Variants in PLD1 observed in about 807,000 individuals in gnomAD.
PLD1 encodes the protein phospholipase D1, also known as choline phosphatase 1.
A neutral mutation model predicts 137.1 loss-of-function variants in PLD1; 112 were observed. The ratio of observed to expected loss-of-function variants is 0.82; its 90% CI spans 0.70 to 0.96. PLD1 has a LOEUF of 0.96. Among genes scored for constraint, PLD1 ranks in the 40% least tolerant of loss-of-function variants. The probability of loss-of-function intolerance (pLI) is 0.00; values close to 1 mark genes in which losing one functional copy is unlikely to be tolerated. For missense variants in PLD1, 1,321 were observed against 1,342.0 expected, an observed-to-expected ratio of 0.98 and a Z score of 0.24; for synonymous variants, 431 against 454.7, an observed-to-expected ratio of 0.95 and a Z score of 0.66.
intron 1 of PLD1, among the ~76,000 whole-genome samples, chr3:171,775,986 G>A (rs960288115): frequency 1.2e-4 from 19 of 152,176 alleles, no homozygotes; most frequent in Admixed American, 3.9e-4. Flanking sequence ...GGATGCAAAC[G>A]CAGGACTTCT....
At chr3:171,710,869 G>GTTTTTTTTTTTTTTTTTTTTTTTTTTTTT (rs1281179100) in intron 9 of PLD1, among the ~76,000 whole-genome samples, 2 of 98,684 alleles carry the variant, frequency 2.0e-5, no homozygotes, top group Non-Finnish European at 3.9e-5. Flanking sequence ...TAGGAAAACT[G>GTTTTTTTTTTTTTTTTTTTTTTTTTTTTT]TTCTTTTTTT....
chr3:171,700,889 G>A (rs1355889963), intron 11 of PLD1, among the ~76,000 whole-genome samples: 1 of 152,178 alleles, frequency 6.6e-6, no homozygotes, highest in Non-Finnish European at 1.5e-5. Flanking sequence ...AGTTAAACAT[G>A]TACATGATGT....
intron 7 of PLD1, 77 bp from the exon 8 acceptor site, chr3:171,724,865 G>T: frequency 2.4e-6 from 2 of 841,486 alleles, no homozygotes; most frequent in South Asian, 1.3e-5. Flanking sequence ...CCCAACATGG[G>T]ACTAAATAAA....
intron 23 of PLD1, among the ~76,000 whole-genome samples, chr3:171,625,412 A>G (rs909470802): frequency 1.1e-4 from 16 of 152,234 alleles, no homozygotes; most frequent in Non-Finnish European, 2.4e-4. Context: ...TGTAGGCCCC[A>G]CCTCTGGGGG....
chr3:171,711,167 C>CTTTTT (rs562934959), intron 9 of PLD1, among the ~76,000 whole-genome samples: 2 of 94,806 alleles, frequency 2.1e-5, no homozygotes, highest in African/African-American at 4.3e-5. Flanking sequence ...CTGTGCCAGC[C>CTTTTT]TTTTTTTTTT....
intron 7 of PLD1, among the ~76,000 whole-genome samples, chr3:171,725,435 A>G (rs887185993): frequency 3.9e-5 from 6 of 152,212 alleles, no homozygotes; most frequent in Non-Finnish European, 8.8e-5. Flanking sequence ...ACTAGTTTTG[A>G]AAACAGTATA....
intron 21 of PLD1, among the ~76,000 whole-genome samples, chr3:171,656,239 C>T (rs1217908078): frequency 6.6e-6 from 1 of 151,736 alleles, no homozygotes; most frequent in Non-Finnish European, 1.5e-5. Flanking sequence ...GGCATGATCT[C>T]AGCTCACTGC....
intron 1 of PLD1, among the ~76,000 whole-genome samples, chr3:171,774,672 G>C (rs1213223436): frequency 2.0e-5 from 3 of 152,246 alleles, no homozygotes; most frequent in Non-Finnish European, 4.4e-5. Flanking sequence ...TTCATAAACT[G>C]TATCAAGGAG....
chr3:171,764,843 G>A (rs1027983004), intron 1 of PLD1, among the ~76,000 whole-genome samples: 2 of 13,612 alleles, frequency 1.5e-4, no homozygotes, highest in South Asian at 2.6e-3. Flanking sequence ...AAGAAAGAAA[G>A]AAAGAAAGAA....
At chr3:171,712,635 GAT>G (rs1397445130) in intron 9 of PLD1, among the ~76,000 whole-genome samples, 2 of 152,148 alleles carry the variant, frequency 1.3e-5, no homozygotes, top group Non-Finnish European at 2.9e-5. Flanking sequence ...GGCCTTATTT[GAT>G]AAAATCATGG....
chr3:171,614,343 C>A (rs915386495), intron 24 of PLD1, among the ~76,000 whole-genome samples: 5 of 152,270 alleles, frequency 3.3e-5, no homozygotes, highest in Middle Eastern at 3.4e-3. Context: ...TATCTTTGAG[C>A]TTGACAGTTG....
At chr3:171,641,853 T>C (rs957251642) in intron 23 of PLD1, among the ~76,000 whole-genome samples, 2 of 152,180 alleles carry the variant, frequency 1.3e-5, no homozygotes, top group Non-Finnish European at 2.9e-5. Context: ...ATGAATTTGC[T>C]CCAGGGGCTC....
At chr3:171,635,889 T>C (rs1212682072) in intron 23 of PLD1, among the ~76,000 whole-genome samples, 1 of 151,408 alleles carries the variant, frequency 6.6e-6, no homozygotes, top group Non-Finnish European at 1.5e-5. Flanking sequence ...AAATGTATAG[T>C]TTTAGTTTTT....
At chr3:171,694,042 C>T (rs1276794083) in intron 12 of PLD1, among the ~76,000 whole-genome samples, 1 of 151,976 alleles carries the variant, frequency 6.6e-6, no homozygotes, top group African/African-American at 2.4e-5. Flanking sequence ...ATTGTTCTGC[C>T]AATACTAAAA....
rs1009767055 is a variant in PLD1, at chr3:171,612,079, A to T, written c.2882+200T>A. Among the ~76,000 whole-genome samples the T allele has an allele frequency of 6.6e-6, 1 of 152,200 alleles. No individual in the cohort carries two copies. The highest frequency in any genetic ancestry group is 6.5e-5 in the Admixed American group (1 of 15,280). On this transcript the variant is annotated intron_variant, in intron 25 of 26. Coordinates refer to ENST00000351298, the MANE Select transcript of PLD1 (RefSeq NM_002662.5). This position sits in a 1 kb window ranked among gnomAD's most constrained non-coding sequence, Gnocchi z 4.1. ...TCTACTGCACGTGACAGTAATAAAA[A>T]GCTATTAAAATAAAAAATATTCATG...
At chr3:171,743,811 G>A (rs897440130) in intron 1 of PLD1, among the ~76,000 whole-genome samples, 2 of 152,106 alleles carry the variant, frequency 1.3e-5, no homozygotes, top group Non-Finnish European at 2.9e-5. Context: ...CACTAGACAG[G>A]GACACTCTTT....
intron 8 of PLD1, among the ~76,000 whole-genome samples, chr3:171,716,117 C>A (rs558273920): frequency 7.9e-5 from 12 of 152,066 alleles, no homozygotes; most frequent in African/African-American, 2.7e-4. Context: ...CTGTGGTGTA[C>A]ATGTACTATC....
rs371356813 is a variant in PLD1, at chr3:171,642,665, T to C, written c.2593+175A>G. 5.3e-5 allele frequency among the ~76,000 whole-genome samples: 8 copies of C among 152,194 alleles called. 1 individual carries two copies. Among genetic ancestry groups the C allele is most frequent in the African/African-American group, 1.7e-4 (7 of 41,540 alleles). On this transcript the variant is annotated intron_variant, in intron 23 of 26. Coordinates refer to ENST00000351298, the MANE Select transcript of PLD1 (RefSeq NM_002662.5). ...ACCTATTTAGTCTTGGTGTCTTCAT[T>C]TGAATAATGGTTTGGGCAACTTAAT...
intron 1 of PLD1, chr3:171,789,161 T>G (rs6767600): frequency 0.82 from 125,049 of 152,268 alleles, 51,609 homozygotes; most frequent in Middle Eastern, 0.94. Context: ...TGCACAGGAT[T>G]TTTCTATCTA....
Sources: gnomAD v4.1 joint callset for allele counts (sites outside exome capture counted in the v4.1 genomes callset) on GRCh38, gnomAD v4.1.1 for gene constraint, Gnocchi (gnomAD v3.1) non-coding constraint, MANE v1.5 for transcripts, NCBI Gene and HGNC (gene_info 2026-07-23, HGNC 2026-07-21) for gene names.